EDIL3: variants seen among roughly 807,000 people sequenced by gnomAD.
EDIL3 encodes EGF like and discoidin domains 3, also known as EGF-like repeat and discoidin I-like domain-containing protein 3.
In EDIL3, 37 loss-of-function variants were observed where a neutral mutation model predicts 67.4. That is an observed-to-expected ratio of 0.55 (90% confidence interval 0.42 to 0.72). The LOEUF (loss-of-function observed/expected upper bound fraction) is 0.72. Ranked by LOEUF, EDIL3 falls within the 30% of genes least tolerant of loss-of-function variation. The probability of loss-of-function intolerance (pLI) is 0.00; values close to 1 mark genes in which losing one functional copy is unlikely to be tolerated. For synonymous variants in EDIL3, 195 were observed against 196.3 expected (o/e 0.99, Z 0.05); for missense variants, 527 against 586.3 (o/e 0.90, Z 1.04).
intron 1 of EDIL3, 135 bp downstream of exon 1, chr5:84,384,173 A>G (rs1748165290): frequency 9.1e-7 from 1 of 1,099,084 alleles, no homozygotes; most frequent in South Asian, 1.5e-5. Flanking sequence ...CCAGGACTCG[A>G]CGCCTCCTCC....
At chr5:84,125,218 T>C (rs181724655) in intron 5 of EDIL3, among the ~76,000 whole-genome samples, 11 of 151,972 alleles carry the variant, frequency 7.2e-5, no homozygotes, top group Admixed American at 6.6e-4. Context: ...ACTGAATGGG[T>C]CTGTTTTCTT....
chr5:84,196,965 T>G (rs1743722306), intron 3 of EDIL3: 1 of 151,980 alleles, frequency 6.6e-6, no homozygotes, highest in African/African-American at 2.4e-5. Flanking sequence ...AAGTAAGGAA[T>G]TATGTCAACT....
intron 5 of EDIL3, among the ~76,000 whole-genome samples, chr5:84,108,553 T>G (rs1747503924): frequency 6.6e-6 from 1 of 152,194 alleles, no homozygotes. Context: ...TAATCTGATT[T>G]TCACATTCCC....
At chr5:84,251,093 C>T (rs767297316) in intron 2 of EDIL3, among the ~76,000 whole-genome samples, 3 of 151,898 alleles carry the variant, frequency 2.0e-5, no homozygotes, top group Non-Finnish European at 4.4e-5. Context: ...CTTGGCCAAG[C>T]CATTTATTTT....
chr5:83,978,359 T>C (rs1436279194), intron 9 of EDIL3, among the ~76,000 whole-genome samples: 4 of 151,866 alleles, frequency 2.6e-5, no homozygotes, highest in South Asian at 4.1e-4. Context: ...ACAGAATACC[T>C]AAATAAATGA....
intron 3 of EDIL3, among the ~76,000 whole-genome samples, chr5:84,210,609 T>G (rs536579177): frequency 6.6e-6 from 1 of 152,276 alleles, no homozygotes; most frequent in South Asian, 2.1e-4. Context: ...AAGTTTAAAG[T>G]AATATAAATT....
chr5:84,201,804 A>T (rs951630883), intron 3 of EDIL3, among the ~76,000 whole-genome samples: 6 of 152,174 alleles, frequency 3.9e-5, no homozygotes, highest in African/African-American at 1.4e-4. Context: ...ATATTTTGAA[A>T]GGTGAAATAA....
intron 9 of EDIL3, among the ~76,000 whole-genome samples, chr5:84,017,371 A>G (rs1450991574): frequency 6.6e-6 from 1 of 152,192 alleles, no homozygotes; most frequent in Non-Finnish European, 1.5e-5. Context: ...TTCATTTTAA[A>G]GACAGTTTCA....
chr5:84,156,278 A>C (rs1748487412), intron 4 of EDIL3, among the ~76,000 whole-genome samples: 1 of 152,052 alleles, frequency 6.6e-6, no homozygotes, highest in Non-Finnish European at 1.5e-5. Flanking sequence ...TTCTTAATTA[A>C]TTTACCTGCT....
At chr5:84,173,120 A>G (rs73769762) in intron 4 of EDIL3, among the ~76,000 whole-genome samples, 132 of 152,308 alleles carry the variant, frequency 8.7e-4, no homozygotes, top group African/African-American at 3.2e-3. Context: ...TAGGCTGGCC[A>G]TGCATGTCTG....
intron 9 of EDIL3, among the ~76,000 whole-genome samples, chr5:84,020,409 T>C (rs1745693987): frequency 1.3e-5 from 2 of 152,074 alleles, no homozygotes; most frequent in South Asian, 4.1e-4. Context: ...TCATTTCTTA[T>C]TACAATCTAG....
At chr5:84,286,945 G>C (rs1170099915) in intron 1 of EDIL3, among the ~76,000 whole-genome samples, 2 of 152,164 alleles carry the variant, frequency 1.3e-5, no homozygotes, top group African/African-American at 2.4e-5. Context: ...AGCAATGCTA[G>C]TGCAGAAGTC....
chr5:84,008,637 A>C (rs948857500), intron 9 of EDIL3, among the ~76,000 whole-genome samples: 6 of 152,224 alleles, frequency 3.9e-5, no homozygotes, highest in Non-Finnish European at 5.9e-5. Flanking sequence ...TAATGTTTTA[A>C]TAATGTAAAA....
chr5:83,997,917 C>T (rs1031843583), intron 9 of EDIL3, among the ~76,000 whole-genome samples: 9 of 152,114 alleles, frequency 5.9e-5, no homozygotes, highest in East Asian at 3.9e-4. Flanking sequence ...ACTCAGCCTG[C>T]GCCCATGGAG....
At chr5:83,980,400 T>G (rs551383983) in intron 9 of EDIL3, among the ~76,000 whole-genome samples, 59 of 152,056 alleles carry the variant, frequency 3.9e-4, no homozygotes, top group South Asian at 3.5e-3. Context: ...TCTATCTTTA[T>G]TCAGATGGCA....
At chr5:84,179,737 G>C (rs748755534) in intron 4 of EDIL3, among the ~76,000 whole-genome samples, 2 of 152,120 alleles carry the variant, frequency 1.3e-5, no homozygotes, top group Non-Finnish European at 2.9e-5. Context: ...TGACAGCTTA[G>C]AGTTGGCTGT....
chr5:83,981,599 G>A (rs946739974), intron 9 of EDIL3, among the ~76,000 whole-genome samples: 2 of 151,842 alleles, frequency 1.3e-5, no homozygotes, highest in African/African-American at 2.4e-5. Flanking sequence ...TAGTTTTTGT[G>A]TATGACTCAA....
chr5:84,065,073 C>T (rs999629840), intron 7 of EDIL3, among the ~76,000 whole-genome samples: 2 of 152,064 alleles, frequency 1.3e-5, no homozygotes, highest in African/African-American at 2.4e-5. Flanking sequence ...GATCTATATT[C>T]CACTGTGATG....
intron 1 of EDIL3, among the ~76,000 whole-genome samples, chr5:84,338,008 T>C (rs1266536609): frequency 2.0e-5 from 3 of 152,170 alleles, no homozygotes; most frequent in Admixed American, 6.6e-5. Context: ...TACTGACCTA[T>C]ACACATAGAT....
Sources: gnomAD v4.1 joint callset for allele counts (sites outside exome capture counted in the v4.1 genomes callset) on GRCh38, gnomAD v4.1.1 for gene constraint, MANE v1.5 for transcripts, NCBI Gene and HGNC (gene_info 2026-07-23, HGNC 2026-07-21) for gene names.